The following NR2C2 variants were observed in gnomAD, a reference collection of about 807,000 sequenced individuals.
NR2C2 encodes nuclear receptor subfamily 2 group C member 2, also known as Nuclear hormone receptor TR4.
Under a neutral mutation model 62.9 loss-of-function variants are expected in NR2C2, and 6 were observed. The observed-to-expected ratio is 0.10, with a 90% confidence interval of 0.05 to 0.19. The LOEUF (loss-of-function observed/expected upper bound fraction) is 0.19. NR2C2 is among the 10% of genes least tolerant of loss of function. NR2C2 has a pLI of 1.00. For synonymous variants in NR2C2, 272 were observed against 273.8 expected, an observed-to-expected ratio of 0.99 and a Z score of 0.07; for missense variants, 479 against 762.7, an observed-to-expected ratio of 0.63 and a Z score of 4.38.
At chr3:15,004,063 A>G (rs1294036300) in intron 2 of NR2C2, 77 bp downstream of exon 2, 5 of 1,229,558 alleles carry the variant, frequency 4.1e-6, no homozygotes, top group Middle Eastern at 2.0e-4. Context: ...TAAGGGTTTC[A>G]CTAAAGAGTT....
chr3:15,009,345 A>T (rs796728633), intron 2 of NR2C2, among the ~76,000 whole-genome samples: 1 of 152,202 alleles, frequency 6.6e-6, no homozygotes, highest in South Asian at 2.1e-4. Context: ...GGGTGACCTG[A>T]AATCACCAGA....
intron 1 of NR2C2, among the ~76,000 whole-genome samples, chr3:14,949,848 C>T (rs1286634949): frequency 6.6e-6 from 1 of 152,086 alleles, no homozygotes; most frequent in African/African-American, 2.4e-5. Flanking sequence ...TGTGAGTTCT[C>T]TCTTTCTCTC....
chr3:14,974,079 A>G (rs902060024), intron 1 of NR2C2, among the ~76,000 whole-genome samples: 2 of 152,218 alleles, frequency 1.3e-5, no homozygotes, highest in African/African-American at 2.4e-5. Flanking sequence ...CTCTATACTT[A>G]TTAAACAGCA....
chr3:15,036,982 CATG>C (rs55999410), intron 11 of NR2C2, among the ~76,000 whole-genome samples: 10,905 of 152,038 alleles, frequency 0.072, 428 homozygotes, highest in Middle Eastern at 0.099. Flanking sequence ...ATTAGCCTGA[CATG>C]GTGGTGAGTG....
At chr3:15,024,620 T>C (rs921382449) in intron 7 of NR2C2, among the ~76,000 whole-genome samples, 23 of 152,350 alleles carry the variant, frequency 1.5e-4, no homozygotes, top group African/African-American at 5.3e-4. Flanking sequence ...AATCTATCAG[T>C]TCCAAAACTT....
intron 1 of NR2C2, among the ~76,000 whole-genome samples, chr3:14,954,174 A>G (rs1026160804): frequency 3.9e-5 from 6 of 152,198 alleles, no homozygotes; most frequent in African/African-American, 1.4e-4. Context: ...TACCAAGACT[A>G]AAAGCAGATG....
chr3:14,957,748 A>G (rs1313633597), intron 1 of NR2C2, among the ~76,000 whole-genome samples: 4 of 151,800 alleles, frequency 2.6e-5, no homozygotes, highest in Non-Finnish European at 5.9e-5. Context: ...ACCACTTCCT[A>G]ACTGGCCTCC....
intron 1 of NR2C2, among the ~76,000 whole-genome samples, chr3:14,967,700 C>G (rs376291324): frequency 6.6e-6 from 1 of 152,052 alleles, no homozygotes; most frequent in African/African-American, 2.4e-5. Context: ...TCTAAAGGGG[C>G]TTCAGTATTT....
chr3:15,026,194 A>AT (rs988260495), intron 7 of NR2C2: 5 of 150,712 alleles, frequency 3.3e-5, no homozygotes, highest in South Asian at 2.1e-4. Context: ...AATTTTTCGT[A>AT]TTTTTTTTGT....
intron 1 of NR2C2, among the ~76,000 whole-genome samples, chr3:14,975,484 T>TC (rs2040177315): frequency 6.6e-6 from 1 of 152,242 alleles, no homozygotes; most frequent in Admixed American, 6.5e-5. Context: ...TGTGTTTTTT[T>TC]CCGTTCATTC....
chr3:14,964,071 G>A (rs924759892), intron 1 of NR2C2, among the ~76,000 whole-genome samples: 25 of 152,146 alleles, frequency 1.6e-4, no homozygotes, highest in Non-Finnish European at 1.5e-4. Flanking sequence ...CTCATTTAAC[G>A]TTATCAGTGG....
At position 15,045,074 on chromosome 3, in the gene NR2C2, CAAAA is replaced by C. The variant is rs1428388191; in HGVS notation, c.*2069_*2072del. 6.6e-6 allele frequency: 1 copy of C among 152,120 alleles called. No homozygotes were observed. Among genetic ancestry groups the C allele is most frequent in the Non-Finnish European group, 1.5e-5 (1 of 68,004 alleles). 9.4% of individuals were successfully genotyped at this position (152,120 alleles called of 1,614,324 possible). On this transcript the variant is annotated 3_prime_UTR_variant, in exon 14 of 14. Coordinates refer to ENST00000425241, the MANE Select transcript of NR2C2 (RefSeq NM_001291694.2). ...TGTGTTTTCAGTTTCAAAATTAAGA[CAAAA>C]AACCAGCTGAGACAATGGAATTAGG... is the stretch of plus-strand genomic sequence containing the variant.
At chr3:15,018,774 T>C (rs964016976) in intron 4 of NR2C2, among the ~76,000 whole-genome samples, 7 of 152,084 alleles carry the variant, frequency 4.6e-5, no homozygotes, top group African/African-American at 1.7e-4. Flanking sequence ...CCCAGCACTT[T>C]GGGAGACCAA....
chr3:15,040,507 C>T (rs1230122595), intron 13 of NR2C2, among the ~76,000 whole-genome samples: 1 of 152,234 alleles, frequency 6.6e-6, no homozygotes, highest in Non-Finnish European at 1.5e-5. Context: ...CCCCTGGGGG[C>T]TACCCCTTCT....
chr3:15,036,515 TAC>T (rs1370629905), intron 11 of NR2C2, among the ~76,000 whole-genome samples: 1 of 152,158 alleles, frequency 6.6e-6, no homozygotes, highest in Non-Finnish European at 1.5e-5. Flanking sequence ...TGTTTTTTGA[TAC>T]AGTCTCTCTG....
At chr3:14,981,022 C>T (rs1192325681) in intron 1 of NR2C2, among the ~76,000 whole-genome samples, 1 of 152,220 alleles carries the variant, frequency 6.6e-6, no homozygotes, top group Non-Finnish European at 1.5e-5. Context: ...TACTGTTACA[C>T]TGGCATCAGG....
chr3:15,032,498 T>C lies in NR2C2; in HGVS notation c.1230T>C (p.Leu410=), dbSNP rs1463200963. The C allele has an allele frequency of 1.9e-6, 3 of 1,614,180 alleles. No homozygotes were observed. In the South Asian group the frequency reaches 3.3e-5, roughly 18 times the overall value. The change falls in exon 10 of 14, where the codon CTT becomes CTC. Residue 410 remains leucine, a splice_region_variant and synonymous_variant. Transcript: ENST00000425241. The stretch of plus-strand genomic sequence containing the variant: ...GGTCAATCCCAGCCTTTCAGGCACT[T>C]GGGTAAGTGGCCTCTTGCTGTGCAT... The part of the protein sequence containing the change: ...WARSIPAFQA[L]GQDCNTSLVR...
At chr3:14,986,834 G>A (rs975019785) in intron 1 of NR2C2, among the ~76,000 whole-genome samples, 1 of 152,236 alleles carries the variant, frequency 6.6e-6, no homozygotes. Flanking sequence ...CAGGGAAATT[G>A]TTAATAGGAG....
chr3:14,962,766 C>T (rs1294723075), intron 1 of NR2C2, among the ~76,000 whole-genome samples: 3 of 150,708 alleles, frequency 2.0e-5, no homozygotes, highest in Non-Finnish European at 2.9e-5. Context: ...ATTATTGAAC[C>T]TTGTGGGTAT....
Sources: allele counts gnomAD v4.1 joint callset (sites outside exome capture counted in the v4.1 genomes callset), GRCh38; gene constraint gnomAD v4.1.1; transcripts MANE v1.5; gene names NCBI Gene and HGNC (gene_info 2026-07-23, HGNC 2026-07-21).